The following CTNNA2 variants were observed in gnomAD, a reference collection of about 807,000 sequenced individuals.
CTNNA2 encodes the protein catenin alpha-2.
A neutral mutation model predicts 101.0 loss-of-function variants in CTNNA2; 42 were observed. The ratio of observed to expected loss-of-function variants is 0.42; its 90% CI spans 0.32 to 0.54. The LOEUF is 0.54. Ranked by LOEUF, CTNNA2 falls within the 20% of genes least tolerant of loss-of-function variation. The pLI is 0.14. For synonymous variants in CTNNA2, 450 were observed against 456.4 expected, an observed-to-expected ratio of 0.99 and a Z score of 0.18; for missense variants, 871 against 1,223.1, an observed-to-expected ratio of 0.71 and a Z score of 4.29.
intron 3 of CTNNA2, among the ~76,000 whole-genome samples, chr2:79,837,758 A>T (rs77975869): frequency 0.094 from 14,182 of 151,338 alleles, 780 homozygotes; most frequent in East Asian, 0.17. Flanking sequence ...GTTTTTTTTT[A>T]AAAAAAATCA....
At position 79,218,345 on chromosome 2, in the gene CTNNA2, G is replaced by A. The variant is rs867811858; in HGVS notation, c.-406+20269G>A. Among the ~76,000 whole-genome samples, 326 of 70,854 alleles carry A rather than the reference G, an allele frequency of 4.6e-3. 1 individual carries two copies. The highest frequency in any genetic ancestry group is 6.7e-3 in the African/African-American group (157 of 23,556). 46.5% of individuals were successfully genotyped at this position (70,854 alleles called of 152,430 possible). On this transcript the variant is annotated intron_variant, in intron 2 of 21. Coordinates refer to the CTNNA2 transcript ENST00000466387. Reference sequence around the variant, plus strand: ...TGTGTGTGTGTGTGTGTGTGTGTGTGTGTGTATTTTTTTTTTTTTTAGAGA... The same window carrying A: ...TGTGTGTGTGTGTGTGTGTGTGTGTATGTGTATTTTTTTTTTTTTTAGAGA...
intron 4 of CTNNA2, among the ~76,000 whole-genome samples, chr2:79,394,986 T>C (rs1477563034): frequency 1.3e-5 from 2 of 152,104 alleles, no homozygotes; most frequent in African/African-American, 4.8e-5. Flanking sequence ...ATGATAAAGA[T>C]GGGACAATGG....
intron 4 of CTNNA2, among the ~76,000 whole-genome samples, chr2:79,869,124 CT>C (rs1682381207): frequency 6.6e-6 from 1 of 152,156 alleles, no homozygotes; most frequent in East Asian, 1.9e-4. Context: ...TCCAATGCTA[CT>C]ATGGAAAAGT....
chr2:79,317,286 C>A (rs1025063414), intron 3 of CTNNA2, among the ~76,000 whole-genome samples: 1 of 151,980 alleles, frequency 6.6e-6, no homozygotes, highest in African/African-American at 2.4e-5. Flanking sequence ...TGTTTCTTTT[C>A]ATATGGTTAG....
At chr2:80,337,969 C>A (rs902399626) in intron 7 of CTNNA2, among the ~76,000 whole-genome samples, 4 of 151,652 alleles carry the variant, frequency 2.6e-5, no homozygotes, top group Admixed American at 2.6e-4. Flanking sequence ...GCAGTAAAAT[C>A]AGAAAGGGAA....
chr2:79,465,198 A>T (rs983556108), intron 4 of CTNNA2, among the ~76,000 whole-genome samples: 1 of 152,198 alleles, frequency 6.6e-6, no homozygotes, highest in Admixed American at 6.5e-5. Flanking sequence ...AGCTTTCTAC[A>T]TAGGGTTAGC....
chr2:79,367,676 C>T (rs943512977), intron 3 of CTNNA2, among the ~76,000 whole-genome samples: 1 of 152,128 alleles, frequency 6.6e-6, no homozygotes, highest in African/African-American at 2.4e-5. Context: ...TAGATGACTG[C>T]TTTCATCCAG....
At chr2:79,320,630 T>G (rs1184584415) in intron 3 of CTNNA2, among the ~76,000 whole-genome samples, 1 of 152,176 alleles carries the variant, frequency 6.6e-6, no homozygotes, top group Non-Finnish European at 1.5e-5. Flanking sequence ...CTTGTAGATG[T>G]TGGAATCCAC....
intron 2 of CTNNA2, among the ~76,000 whole-genome samples, chr2:79,294,171 C>CAG (rs144803660): frequency 4.2e-5 from 6 of 143,204 alleles, no homozygotes; most frequent in African/African-American, 5.2e-5. Flanking sequence ...GCATGGCAGA[C>CAG]AGAGAGAGAG....
intron 7 of CTNNA2, among the ~76,000 whole-genome samples, chr2:80,245,030 T>C (rs1479706051): frequency 6.6e-6 from 1 of 152,220 alleles, no homozygotes; most frequent in Non-Finnish European, 1.5e-5. Flanking sequence ...AATTATGAAG[T>C]GCACAAAAGG....
chr2:79,362,263 C>T (rs2104447928), intron 3 of CTNNA2, among the ~76,000 whole-genome samples: 1 of 152,240 alleles, frequency 6.6e-6, no homozygotes, highest in Middle Eastern at 3.4e-3. Flanking sequence ...ACAAATATTC[C>T]AGCTCACGGT....
intron 9 of CTNNA2, among the ~76,000 whole-genome samples, chr2:80,468,411 C>CATTTATTT (rs142332858): frequency 4.6e-5 from 7 of 151,198 alleles, no homozygotes; most frequent in African/African-American, 1.7e-4. Context: ...TGCTATTTTT[C>CATTTATTT]ATTTATTTAT....
At chr2:79,907,338 C>CACAT (rs1363473694) in intron 6 of CTNNA2, among the ~76,000 whole-genome samples, 149 of 147,574 alleles carry the variant, frequency 1.0e-3, no homozygotes, top group East Asian at 4.6e-3. Context: ...TATATACACA[C>CACAT]ACACACACAC....
chr2:80,396,209 T>TA (rs772899355), intron 8 of CTNNA2, among the ~76,000 whole-genome samples: 14 of 152,312 alleles, frequency 9.2e-5, no homozygotes, highest in Non-Finnish European at 1.6e-4. Flanking sequence ...ACTGGGGCAT[T>TA]ATAAATGGTG....
At chr2:79,975,406 C>T (rs987597079) in intron 7 of CTNNA2, among the ~76,000 whole-genome samples, 3 of 152,122 alleles carry the variant, frequency 2.0e-5, no homozygotes, top group Non-Finnish European at 4.4e-5. Context: ...AGTTTCCCCC[C>T]ACACACTAAG....
At chr2:80,186,688 A>G (rs1187174564) in intron 7 of CTNNA2, among the ~76,000 whole-genome samples, 2 of 152,206 alleles carry the variant, frequency 1.3e-5, no homozygotes, top group Non-Finnish European at 2.9e-5. Context: ...TTGATCGTTC[A>G]TACCTCTTTG....
At chr2:80,567,151 A>T (rs1694134029) in intron 12 of CTNNA2, among the ~76,000 whole-genome samples, 1 of 152,214 alleles carries the variant, frequency 6.6e-6, no homozygotes, top group African/African-American at 2.4e-5. Context: ...CTCTAAAAAG[A>T]TTCTGAGCTG....
At chr2:79,312,422 T>C (rs998445405) in intron 2 of CTNNA2, among the ~76,000 whole-genome samples, 1 of 152,326 alleles carries the variant, frequency 6.6e-6, no homozygotes, top group South Asian at 2.1e-4. Context: ...CTGTCTTTCC[T>C]AACCACGCCG....
chr2:79,711,010 A>T (rs1685702867), intron 2 of CTNNA2, among the ~76,000 whole-genome samples: 1 of 152,178 alleles, frequency 6.6e-6, no homozygotes, highest in Non-Finnish European at 1.5e-5. Context: ...ATGTTGGATT[A>T]TTCATAAAAT....
Sources: allele counts gnomAD v4.1 joint callset (sites outside exome capture counted in the v4.1 genomes callset), GRCh38; gene constraint gnomAD v4.1.1; transcripts MANE v1.5; gene names NCBI Gene and HGNC (gene_info 2026-07-23, HGNC 2026-07-21).